Variants in C19orf18 observed in about 807,000 individuals in gnomAD.
C19orf18 encodes the protein chromosome 19 open reading frame 18.
In C19orf18, 21 loss-of-function variants were observed where a neutral mutation model predicts 23.3. The observed-to-expected ratio is 0.90, with a 90% CI of 0.64 to 1.30. The LOEUF is 1.30. C19orf18 is among the 50% of genes most tolerant of loss of function. C19orf18 has a pLI of 0.00. For missense variants in C19orf18, 249 were observed against 259.6 expected (o/e 0.96, Z 0.28); for synonymous variants, 96 against 95.2 (o/e 1.01, Z -0.05).
intron 5 of C19orf18, among the ~76,000 whole-genome samples, chr19:57,960,293 G>A (rs1405608887): frequency 6.6e-6 from 1 of 151,412 alleles, no homozygotes; most frequent in Non-Finnish European, 1.5e-5. Context: ...GGGTGTGGTG[G>A]CGGGTGCCTA....
At chr19:57,963,325 G>A (rs1040877324) in intron 4 of C19orf18, among the ~76,000 whole-genome samples, 8 of 151,612 alleles carry the variant, frequency 5.3e-5, no homozygotes, top group East Asian at 2.0e-4. Flanking sequence ...CACCGCGCCC[G>A]GTCCTTAACT....
intron 4 of C19orf18, among the ~76,000 whole-genome samples, chr19:57,962,918 C>G (rs1036795232): frequency 1.3e-5 from 2 of 151,782 alleles, no homozygotes; most frequent in African/African-American, 2.4e-5. Flanking sequence ...GCTCAAAAGG[C>G]TGGGACAGGA....
In C19orf18 at chr19:57,973,674, G is replaced by A. The variant is rs191513021; in HGVS notation, c.226+425C>T. The stretch of plus-strand genomic sequence containing the variant: ...CAGGAGGTGGAGCTTGCAGTGAGCC[G>A]AGATCGCGCCACTGCACTCCAGCCT... On this transcript the variant is annotated intron_variant, in intron 2 of 5. Coordinates refer to ENST00000314391, the MANE Select transcript of C19orf18 (RefSeq NM_152474.5). Among the ~76,000 whole-genome samples the A allele has an allele frequency of 7.0e-4, 105 of 150,458 alleles. 1 individual carries two copies. Among genetic ancestry groups the A allele is most frequent in the African/African-American group, 2.4e-3 (100 of 40,858 alleles).
intron 4 of C19orf18, among the ~76,000 whole-genome samples, 200 bp from the exon 5 acceptor site, chr19:57,961,751 C>A (rs1177225349): frequency 6.6e-6 from 1 of 152,140 alleles, no homozygotes; most frequent in African/African-American, 2.4e-5. Context: ...TAACTCCGAT[C>A]ATCCCAAAGC....
chr19:57,972,605 G>C (rs1030219691), intron 2 of C19orf18, 101 bp from the exon 3 acceptor site: 14 of 1,269,450 alleles, frequency 1.1e-5, no homozygotes, highest in African/African-American at 3.0e-5. Context: ...GAAGGACGCC[G>C]AACACACAGC....
At chr19:57,961,229 C>A (rs998593100) in intron 5 of C19orf18, among the ~76,000 whole-genome samples, 162 bp downstream of exon 5, 2 of 145,312 alleles carry the variant, frequency 1.4e-5, no homozygotes, top group Middle Eastern at 3.3e-3. Flanking sequence ...AGTAAGAGTC[C>A]GTCTTAAAAA....
chr19:57,961,368 A>G, intron 5 of C19orf18, 23 bp downstream of exon 5: 3 of 1,560,476 alleles, frequency 1.9e-6, no homozygotes, highest in Non-Finnish European at 2.6e-6. Flanking sequence ...TTTCCTGCGA[A>G]TAGCTCTTAC....
chr19:57,965,174 G>A (rs2072900556), intron 4 of C19orf18, among the ~76,000 whole-genome samples: 3 of 148,870 alleles, frequency 2.0e-5, no homozygotes, highest in Non-Finnish European at 3.0e-5. Context: ...TGCTCTTGTC[G>A]CCCAGGCTGA....
At chr19:57,963,654 G>A (rs1235832277) in intron 4 of C19orf18, among the ~76,000 whole-genome samples, 3 of 152,222 alleles carry the variant, frequency 2.0e-5, no homozygotes, top group Admixed American at 2.0e-4. Flanking sequence ...TTGGGAGTCC[G>A]AGGCGGGCGG....
chr19:57,960,924 A>G (rs1439794295), intron 5 of C19orf18, among the ~76,000 whole-genome samples: 4 of 152,148 alleles, frequency 2.6e-5, no homozygotes, highest in Admixed American at 1.3e-4. Context: ...TCACGCCTGT[A>G]ATCCCAGCAC....
At position 57,961,890 on chromosome 19, in the gene C19orf18, CTCTT is replaced by C. The variant is rs1006581746; in HGVS notation, c.372-343_372-340del. Among the ~76,000 whole-genome samples, 811 of 149,658 alleles carry C rather than the reference CTCTT, an allele frequency of 5.4e-3. 12 individuals are homozygous for C. Among genetic ancestry groups the C allele is most frequent in the African/African-American group, 0.017 (675 of 39,472 alleles). Reference sequence around the variant, plus strand: ...ATTCCTTTCTCTTCTCTTTTTCTTTCTCTTTTTTTTCCTTTTTCTTTCTTCTTTC... The same window carrying C: ...ATTCCTTTCTCTTCTCTTTTTCTTTCTTTTTTCCTTTTTCTTTCTTCTTTC... On this transcript the variant is annotated intron_variant, in intron 4 of 5. Coordinates refer to ENST00000314391, the MANE Select transcript of C19orf18 (RefSeq NM_152474.5).
Position 57,958,573 on chromosome 19 carries a change from G to T in C19orf18, c.*29C>A. On this transcript the variant is annotated 3_prime_UTR_variant, in exon 6 of 6. Coordinates refer to ENST00000314391, the MANE Select transcript of C19orf18 (RefSeq NM_152474.5). ...CCAGCACCCCCATAGTTTCTCCTCT[G>T]CCTCAGCCGGCACCTCTGTCGTCTG... 1.4e-6 allele frequency: 2 copies of T among 1,468,126 alleles called. No individual in the cohort carries two copies. Among genetic ancestry groups the T allele is most frequent in the Non-Finnish European group, 1.9e-6 (2 of 1,065,066 alleles). The allele number at this position is 1,468,126 out of a possible 1,614,324, so 90.9% of individuals were successfully genotyped here. A position where few individuals can be genotyped will look rare whatever the true frequency, so the allele number is the denominator to read the frequency against.
intron 5 of C19orf18, among the ~76,000 whole-genome samples, chr19:57,959,226 C>T (rs961263489): frequency 6.6e-6 from 1 of 152,208 alleles, no homozygotes; most frequent in African/African-American, 2.4e-5. Context: ...CAGTGGCTCA[C>T]ACCTATAATC....
chr19:57,966,715 G>A (rs2072910976), intron 3 of C19orf18, 83 bp from the exon 4 acceptor site: 2 of 904,286 alleles, frequency 2.2e-6, no homozygotes, highest in Non-Finnish European at 3.4e-6. Context: ...TCCTTACAGA[G>A]GGGAATGGAA....
chr19:57,971,590 C>A (rs2072945018), intron 3 of C19orf18, among the ~76,000 whole-genome samples: 1 of 152,202 alleles, frequency 6.6e-6, no homozygotes, highest in Admixed American at 6.5e-5. Flanking sequence ...CCCGCCTCAG[C>A]CTCCCAAATA....
chr19:57,967,879 G>A (rs995356590), intron 3 of C19orf18, among the ~76,000 whole-genome samples: 6 of 151,978 alleles, frequency 3.9e-5, no homozygotes, highest in Non-Finnish European at 8.8e-5. Flanking sequence ...GGGCATGGTG[G>A]CACACGCCTG....
intron 5 of C19orf18, among the ~76,000 whole-genome samples, chr19:57,959,047 C>T (rs547812879): frequency 6.6e-6 from 1 of 152,226 alleles, no homozygotes; most frequent in Non-Finnish European, 1.5e-5. Context: ...TCAGTGATCT[C>T]TCCTGCTGTG....
intron 2 of C19orf18, among the ~76,000 whole-genome samples, chr19:57,973,092 A>AG (rs2072956800): frequency 8.1e-6 from 1 of 122,856 alleles, no homozygotes; most frequent in South Asian, 2.8e-4. Context: ...GGTTGTGGTG[A>AG]GCCGAGATTG....
At chr19:57,959,915 G>C (rs912726173) in intron 5 of C19orf18, among the ~76,000 whole-genome samples, 3 of 151,636 alleles carry the variant, frequency 2.0e-5, no homozygotes, top group African/African-American at 7.3e-5. Flanking sequence ...TTCGAGACCA[G>C]CCTGGCTAAC....
Sources: allele counts gnomAD v4.1 joint callset (sites outside exome capture counted in the v4.1 genomes callset), GRCh38; gene constraint gnomAD v4.1.1; transcripts MANE v1.5; gene names NCBI Gene and HGNC (gene_info 2026-07-23, HGNC 2026-07-21).